DNAJC13: variants seen among roughly 807,000 people sequenced by gnomAD.
The protein encoded by DNAJC13 is dnaJ homolog subfamily C member 13.
In DNAJC13, 75 loss-of-function variants were observed where a neutral mutation model predicts 290.5. The ratio of observed to expected loss-of-function variants is 0.26; its 90% CI spans 0.21 to 0.31. DNAJC13 has a LOEUF of 0.31. Among genes scored for constraint, DNAJC13 ranks in the 10% least tolerant of loss-of-function variants. The pLI is 1.00. For missense variants in DNAJC13, 2,260 were observed against 2,674.5 expected, an observed-to-expected ratio of 0.85 and a Z score of 3.42; for synonymous variants, 862 against 892.0, an observed-to-expected ratio of 0.97 and a Z score of 0.60.
At chr3:132,516,263 A>T (rs1372632548) in intron 46 of DNAJC13, among the ~76,000 whole-genome samples, 159 bp from the exon 47 acceptor site, 1 of 152,202 alleles carries the variant, frequency 6.6e-6, no homozygotes, top group African/African-American at 2.4e-5. Context: ...TTCCTCACTC[A>T]TAACATGGCC....
chr3:132,466,079 G>C lies in DNAJC13; in HGVS notation c.1968+9G>C, dbSNP rs1933970121. 6.2e-7 allele frequency: 1 copy of C among 1,611,242 alleles called. No individual in the cohort carries two copies. The highest frequency in any genetic ancestry group is 8.5e-7 in the Non-Finnish European group (1 of 1,177,492). The stretch of plus-strand genomic sequence containing the variant: ...TGTTGAAACGCATTTTGGTAAGTCA[G>C]TTGAGAAATTAGGTTATATACTGCC... On this transcript the variant is annotated intron_variant, in intron 18 of 55. Transcript: ENST00000260818.
rs768996782 is a variant in DNAJC13 at position 132,511,184 on chromosome 3, C to T, written c.5233C>T (p.Arg1745Cys). The T allele has an allele frequency of 9.3e-6, 15 of 1,613,702 alleles. No homozygotes were observed. Among genetic ancestry groups the T allele is most frequent in the African/African-American group, 8.0e-5 (6 of 74,822 alleles). The change falls in exon 44 of 56, where the codon CGC becomes TGC. Residue 1745 changes from arginine to cysteine, a missense_variant. Arg to Cys is a radical substitution (Grantham distance 180, BLOSUM62 -3). Coordinates refer to ENST00000260818, the MANE Select transcript of DNAJC13 (RefSeq NM_015268.4). ...AKVESEQHGD[R>C]LPRVEMALEA... ...AGTGGAGTCAGAGCAACATGGAGAT[C>T]GCTTACCGAGAGTAGAAATGGCTTT...
In DNAJC13 at chr3:132,484,579, G is replaced by A; in HGVS notation, c.3183-9G>A. ...ATATTAAATGTTGACGTGAGAAAAT[G>A]TTTTCTAGGGATCAAGACAATGCCA... On this transcript the variant is annotated splice_polypyrimidine_tract_variant and intron_variant, in intron 28 of 55. Transcript: ENST00000260818. The A allele has an allele frequency of 3.7e-6, 6 of 1,613,156 alleles. No homozygotes were observed. The highest frequency in any genetic ancestry group is 5.1e-6 in the Non-Finnish European group (6 of 1,179,220).
chr3:132,523,290 C>T lies in DNAJC13; in HGVS notation c.5886+91C>T, dbSNP rs1936151815. On this transcript the variant is annotated intron_variant, in intron 50 of 55. Coordinates refer to ENST00000260818, the MANE Select transcript of DNAJC13 (RefSeq NM_015268.4). The stretch of plus-strand genomic sequence containing the variant: ...TCAGTTTAATGCCGACCTATAACTA[C>T]TTTGTCATCAAGACTCTTGGGTATT... The T allele has an allele frequency of 4.2e-6, 6 of 1,427,162 alleles. No homozygotes were observed. The East Asian group carries it at 1.4e-4, about 33-fold the overall frequency. The allele number at this position is 1,427,162 out of a possible 1,614,324, so 88.4% of individuals were successfully genotyped here.
At position 132,468,087 on chromosome 3, in the gene DNAJC13, T is replaced by C. The variant is rs115222668; in HGVS notation, c.2208+774T>C. On this transcript the variant is annotated intron_variant, in intron 20 of 55. Transcript: ENST00000260818. ...GCGTACTTAAATTTTGTAATATTTG[T>C]TTCTCAAATCAAAGTTAGATCTAAA... 3.1e-3 allele frequency among the ~76,000 whole-genome samples: 478 copies of C among 152,332 alleles called. 2 individuals carry two copies. Among genetic ancestry groups the C allele is most frequent in the African/African-American group, 0.011 (455 of 41,564 alleles).
chr3:132,479,152 A>T lies in DNAJC13; in HGVS notation c.2710-75A>T, dbSNP rs560989930. 1 of 900,052 alleles carries T rather than the reference A, an allele frequency of 1.1e-6. No homozygotes were observed. Among genetic ancestry groups the T allele is most frequent in the Non-Finnish European group, 1.8e-6 (1 of 571,090 alleles). 55.8% of individuals were successfully genotyped at this position (900,052 alleles called of 1,614,324 possible). A position where few individuals can be genotyped will look rare whatever the true frequency, so the allele number is the denominator to read the frequency against. ...ATTACTTCTTATGGGCTGTTGGTTT[A>T]TTTTGTCTAGTAATAGTAATACCTT... On this transcript the variant is annotated intron_variant, in intron 24 of 55. Transcript: ENST00000260818.
In DNAJC13 at chr3:132,497,064, AC is replaced by A. The variant is rs1456883210; in HGVS notation, c.4156+403del. Reference sequence around the variant, plus strand: ...TTAAAAGCCTCTGAAGGTTAAAAACACCAAGAGCATTCAGATTTTTTAAAAG... The same window carrying A: ...TTAAAAGCCTCTGAAGGTTAAAAACACAAGAGCATTCAGATTTTTTAAAAG... On this transcript the variant is annotated intron_variant, in intron 36 of 55. Coordinates refer to ENST00000260818, the MANE Select transcript of DNAJC13 (RefSeq NM_015268.4). 3.3e-5 allele frequency among the ~76,000 whole-genome samples: 5 copies of A among 152,366 alleles called. No homozygotes were observed. The East Asian group carries it at 9.6e-4, about 29-fold the overall frequency.
In DNAJC13 at chr3:132,500,894, G is replaced by A. The variant is rs1237299920; in HGVS notation, c.4517G>A (p.Arg1506Gln). The change falls in exon 39 of 56, where the codon CGG becomes CAG. Residue 1506 changes from arginine (R) to glutamine (Q), a missense_variant. Arg to Gln is a conservative substitution (Grantham distance 43, BLOSUM62 1). This residue lies in a region of DNAJC13 where 1,494 missense variants were observed against 1,693.7 expected (regional missense o/e 0.88). Transcript: ENST00000260818. Reference protein sequence around the residue: ...EMPSIIKDLCRVLYFGKSIPR... With the variant: ...EMPSIIKDLCQVLYFGKSIPR... ...CCTAGCATCATCAAGGATCTCTGTCGGGTACTATATTTTGGCAAGGTAGGG... is the reference window on the plus strand; with the variant it reads ...CCTAGCATCATCAAGGATCTCTGTCAGGTACTATATTTTGGCAAGGTAGGG... The A allele has an allele frequency of 6.2e-7, 1 of 1,613,874 alleles. No individual in the cohort carries two copies. Among genetic ancestry groups the A allele is most frequent in the Non-Finnish European group, 8.5e-7 (1 of 1,179,876 alleles).
chr3:132,461,982 C>A (rs961379231), intron 15 of DNAJC13, among the ~76,000 whole-genome samples: 3 of 152,144 alleles, frequency 2.0e-5, no homozygotes, highest in Non-Finnish European at 4.4e-5. Context: ...CATGACCCAC[C>A]ACACCTGGCC....
Position 132,488,425 on chromosome 3 carries a change from C to T in DNAJC13, c.3395C>T (p.Thr1132Ile), listed in dbSNP as rs763251246. 1.9e-6 allele frequency: 3 copies of T among 1,612,590 alleles called. No individual in the cohort carries two copies. In the South Asian group the frequency reaches 3.3e-5, roughly 18 times the overall value. ...SGVFFFIMMY[T>I]GSNVLPVARF... ...GTATTTTTCTTTATCATGATGTACACAGGTTCCAATGTGCTTCCTGTTGCT... is the reference window on the plus strand; with the variant it reads ...GTATTTTTCTTTATCATGATGTACATAGGTTCCAATGTGCTTCCTGTTGCT... Residue 1132 changes from threonine (T) to isoleucine (I), a missense_variant, in exon 30 of 56, where the codon ACA (threonine) becomes ATA (isoleucine). Thr to Ile is a moderately conservative substitution (Grantham distance 89). This residue lies in a region of DNAJC13 where 1,494 missense variants were observed against 1,693.7 expected (regional missense o/e 0.88). Transcript: ENST00000260818.
At chr3:132,533,296 C>A (rs1936480333) in intron 55 of DNAJC13, among the ~76,000 whole-genome samples, 1 of 148,540 alleles carries the variant, frequency 6.7e-6, no homozygotes, top group African/African-American at 2.5e-5. Flanking sequence ...CTTCCCAAAG[C>A]ATTGGGATTA....
chr3:132,504,113 T>C (rs9289429), intron 41 of DNAJC13, among the ~76,000 whole-genome samples: 39,927 of 151,984 alleles, frequency 0.26, 5,549 homozygotes, highest in African/African-American at 0.34. Flanking sequence ...GGCATAATTA[T>C]AGGCAGTTTT....
rs1934348224 is a variant in DNAJC13, at chr3:132,473,188, G to A, written c.2252G>A (p.Arg751Lys). 1 of 1,610,640 alleles carries A rather than the reference G, an allele frequency of 6.2e-7. No individual in the cohort carries two copies. ...GTGGTTCTTCGAAAGAGAAGACAAA[G>A]AATAAAAATAGAAGCAAATTGGGAT... Reference protein sequence around the residue: ...KPVVLRKRRQRIKIEANWDLF... With the variant: ...KPVVLRKRRQKIKIEANWDLF... Residue 751 changes from arginine (R) to lysine (K), a missense_variant, in exon 21 of 56, where the codon AGA becomes AAA. By Grantham distance (26) the Arg-to-Lys change is conservative (BLOSUM62 2). This residue lies in a region of DNAJC13 where 762 missense variants were observed against 964.1 expected (regional missense o/e 0.79). Transcript: ENST00000260818.
chr3:132,433,433 C>T (rs1270435325), intron 1 of DNAJC13, among the ~76,000 whole-genome samples: 1 of 151,936 alleles, frequency 6.6e-6, no homozygotes, highest in Non-Finnish European at 1.5e-5. Context: ...GCATATGCTA[C>T]CATGCCCTGT....
chr3:132,451,685 G>T (rs188534101), intron 6 of DNAJC13, among the ~76,000 whole-genome samples: 1 of 152,062 alleles, frequency 6.6e-6, no homozygotes, highest in Admixed American at 6.6e-5. Context: ...TTAGTGTTCC[G>T]GGAATGCTCC....
chr3:132,495,091 T>C lies in DNAJC13; in HGVS notation c.3945T>C (p.His1315=), dbSNP rs1282113691. 2 of 1,613,086 alleles carry C rather than the reference T, an allele frequency of 1.2e-6. No homozygotes were observed. Among genetic ancestry groups the C allele is most frequent in the Non-Finnish European group, 1.7e-6 (2 of 1,179,240 alleles). ...VLNLPQGQGP[H]DESKIRKAYF... The stretch of plus-strand genomic sequence containing the variant: ...AAACAATTTTCCTGTTTAACAGGCA[T>C]GATGAGAGCAAGATTAGGAAAGCTT... The change falls in exon 35 of 56, where the codon CAT becomes CAC. Residue 1315 remains histidine, a synonymous_variant. Transcript: ENST00000260818.
At chr3:132,515,572 C>T (rs1400633506) in intron 46 of DNAJC13, among the ~76,000 whole-genome samples, 2 of 151,938 alleles carry the variant, frequency 1.3e-5, no homozygotes, top group African/African-American at 2.4e-5. Flanking sequence ...TTTTCAGTAG[C>T]TTTGTGAGAC....
intron 48 of DNAJC13, among the ~76,000 whole-genome samples, chr3:132,520,517 T>A (rs1936057954): frequency 6.6e-6 from 1 of 152,228 alleles, no homozygotes; most frequent in Admixed American, 6.5e-5. Context: ...TACTGCTTTT[T>A]ACAGATGATA....
At chr3:132,440,163 G>GCA in intron 2 of DNAJC13, among the ~76,000 whole-genome samples, 1 of 152,174 alleles carries the variant, frequency 6.6e-6, no homozygotes, top group Non-Finnish European at 1.5e-5. Flanking sequence ...AGGCTGAGAT[G>GCA]GGAGAATTGC....
Sources: gnomAD v4.1 joint callset for allele counts (sites outside exome capture counted in the v4.1 genomes callset) on GRCh38, gnomAD v4.1.1 for gene constraint, gnomAD v4.1.1 regional missense constraint, MANE v1.5 for transcripts, NCBI Gene and HGNC (gene_info 2026-07-23, HGNC 2026-07-21) for gene names.